HLA-DOA: variants seen among roughly 807,000 people sequenced by gnomAD.
HLA-DOA encodes major histocompatibility complex, class II, DO alpha.
HLA-DOA carries 27 observed loss-of-function variants against 22.9 expected under a neutral mutation model. The ratio of observed to expected loss-of-function variants is 1.18; its 90% CI spans 0.87 to 1.62. The LOEUF (loss-of-function observed/expected upper bound fraction) is 1.62, where lower values mean the gene tolerates loss of function less well. Among genes scored for constraint, HLA-DOA ranks in the 40% most tolerant of loss-of-function variants. HLA-DOA has a pLI of 0.00. For synonymous variants in HLA-DOA, 137 were observed against 138.6 expected (o/e 0.99, Z 0.08); for missense variants, 324 against 332.4 (o/e 0.97, Z 0.20).
rs1582982067 is a variant in HLA-DOA, at chr6:33,006,584, T to G, written c.*254A>C. ...GTGCAAACACCACCAAAGCATTTAG[T>G]GCTGCCAGCCAGAGCTTTGGGTAGA... On this transcript the variant is annotated 3_prime_UTR_variant, in exon 5 of 5. Transcript: ENST00000229829. 1.6e-6 allele frequency: 1 copy of G among 618,812 alleles called. No individual in the cohort carries two copies. Among genetic ancestry groups the G allele is most frequent in the East Asian group, 2.8e-5 (1 of 36,292 alleles). The allele number at this position is 618,812 out of a possible 1,614,324, so 38.3% of individuals were successfully genotyped here. A position where few individuals can be genotyped will look rare whatever the true frequency, so the allele number is the denominator to read the frequency against.
At chr6:33,006,866 C>T (rs139296381) in intron 4 of HLA-DOA, 25 bp from the exon 5 acceptor site, 4 of 1,591,774 alleles carry the variant, frequency 2.5e-6, no homozygotes, top group Middle Eastern at 1.7e-4. Flanking sequence ...AACATACGAT[C>T]GAGGTTGCTC....
At position 33,008,108 on chromosome 6, in the gene HLA-DOA, C is replaced by A. The variant is rs148303384; in HGVS notation, c.236G>T (p.Arg79Leu). The A allele has an allele frequency of 1.9e-6, 3 of 1,612,940 alleles. No homozygotes were observed. The highest frequency in any genetic ancestry group is 3.3e-5 in the Admixed American group (2 of 60,012). The change falls in exon 2 of 5, where the codon CGC (arginine) becomes CTC (leucine). Residue 79 changes from arginine to leucine, a missense_variant. Arg to Leu is a moderately radical substitution (Grantham distance 102). Transcript: ENST00000229829. ...WRLPEFGDFA[R>L]FDPQGGLAGI... ...GGCCAGCCCGCCCTGCGGGTCAAAG[C>A]GGGCAAAGTCACCAAACTCAGGCAG...
rs751704358 is a variant in HLA-DOA at position 33,007,374 on chromosome 6, C to T, written c.550G>A (p.Glu184Lys). 1.6e-5 allele frequency: 25 copies of T among 1,606,876 alleles called. No homozygotes were observed. The highest frequency in any genetic ancestry group is 3.3e-5 in the South Asian group (3 of 90,350). ...TCCACCTGGCAGTCATAGACGTCCT[C>T]GGCTGAGGGCACGAAGGGCAGGTAG... ...FHYLPFVPSA[E>K]DVYDCQVEHW... Residue 184 changes from glutamate (E) to lysine (K), a missense_variant, in exon 3 of 5, where the codon GAG (glutamate) becomes AAG (lysine). By Grantham distance (56) the Glu-to-Lys change is moderately conservative. Transcript: ENST00000229829.
At position 33,007,483 on chromosome 6, in the gene HLA-DOA, C is replaced by T. The variant is rs779247809; in HGVS notation, c.441G>A (p.Trp147Ter). ...NIFPPVINIT[W>*]LRNGQTVTEG... ...CAGTGACAGTTTGGCCGTTGCGCAGCCAGGTGATATTGATCACAGGGGGGA... is the reference window on the plus strand; with the variant it reads ...CAGTGACAGTTTGGCCGTTGCGCAGTCAGGTGATATTGATCACAGGGGGGA... Residue 147 changes from tryptophan (W) to a stop codon, truncating the protein, a stop_gained, in exon 3 of 5, where the codon TGG becomes TGA. Transcript: ENST00000229829. LOFTEE classifies it high-confidence loss of function. 3.7e-6 allele frequency: 6 copies of T among 1,612,566 alleles called. No individual in the cohort carries two copies. The highest frequency in any genetic ancestry group is 5.1e-6 in the Non-Finnish European group (6 of 1,179,848).
rs550573091 is a variant in HLA-DOA, at chr6:33,008,098, C to A, written c.246G>T (p.Pro82=). 5.0e-6 allele frequency: 8 copies of A among 1,612,898 alleles called. No homozygotes were observed. Among genetic ancestry groups the A allele is most frequent in the African/African-American group, 2.7e-5 (2 of 74,938 alleles). Reference sequence around the variant, plus strand: ...CGGCGATGCCGGCCAGCCCGCCCTGCGGGTCAAAGCGGGCAAAGTCACCAA... The same window carrying A: ...CGGCGATGCCGGCCAGCCCGCCCTGAGGGTCAAAGCGGGCAAAGTCACCAA... The part of the protein sequence containing the change: ...PEFGDFARFD[P]QGGLAGIAAI... The change falls in exon 2 of 5, where the codon CCG becomes CCT. Residue 82 remains proline (P), a synonymous_variant. Coordinates refer to ENST00000229829, the MANE Select transcript of HLA-DOA (RefSeq NM_002119.4).
rs767961845 is a variant in HLA-DOA, at chr6:33,006,805, G to A, written c.*33C>T. On this transcript the variant is annotated 3_prime_UTR_variant, in exon 5 of 5. Transcript: ENST00000229829. ...ACAAACCCATGAGGATCTGCAGGGT[G>A]TCTCCCACAAGTCATTTCTCTCAGA... 9.3e-5 allele frequency: 150 copies of A among 1,612,822 alleles called. No individual in the cohort carries two copies. Among genetic ancestry groups the A allele is most frequent in the Non-Finnish European group, 1.2e-4 (144 of 1,179,936 alleles).
At position 33,009,442 on chromosome 6, in the gene HLA-DOA, C is replaced by T. The variant is rs777064274; in HGVS notation, c.82+13G>A. 24 of 1,578,590 alleles carry T rather than the reference C, an allele frequency of 1.5e-5. No individual in the cohort carries two copies. The highest frequency in any genetic ancestry group is 2.2e-4 in the Middle Eastern group (1 of 4,626). On this transcript the variant is annotated intron_variant, in intron 1 of 4. Coordinates refer to ENST00000229829, the MANE Select transcript of HLA-DOA (RefSeq NM_002119.4). This position sits in a 1 kb window ranked among gnomAD's most constrained non-coding sequence, Gnocchi z 4.8. ...TCTGCTCCCCGCCGCACCCTCCTCG[C>T]CCTCGCACTCACCCTTGGTGGCCCC...
chr6:33,007,656 G>C, intron 2 of HLA-DOA, 64 bp from the exon 3 acceptor site: 1 of 1,531,526 alleles, frequency 6.5e-7, no homozygotes, highest in African/African-American at 1.4e-5. Context: ...CTAGGACTGG[G>C]ATTAAGGGAC....
rs145496886 is a variant in HLA-DOA, at chr6:33,007,576, G to A, written c.348C>T (p.Thr116=). 6.4e-5 allele frequency: 103 copies of A among 1,611,710 alleles called. No individual in the cohort carries two copies. The highest frequency in any genetic ancestry group is 6.3e-4 in the African/African-American group (47 of 75,046). Residue 116 remains threonine, a synonymous_variant, in exon 3 of 5, where the codon ACC becomes ACT. Transcript: ENST00000229829. ...GCTCCACCCGAGACTTGGGGAGCAC[G>A]GTCACCCGTGGAGGCACTAGGAGGA... The part of the protein sequence containing the change: ...SRAINVPPRV[T]VLPKSRVELG...
chr6:33,005,246 G>A lies in HLA-DOA; in HGVS notation c.*1592C>T, dbSNP rs1174670786. On this transcript the variant is annotated 3_prime_UTR_variant, in exon 5 of 5. Coordinates refer to ENST00000229829, the MANE Select transcript of HLA-DOA (RefSeq NM_002119.4). ...ACAGTGGCTAATGCCTGTAATTCCA[G>A]TACTTTGGGAGGGAAGGTGGGTGGA... The A allele has an allele frequency of 6.6e-6, 1 of 152,304 alleles. No individual in the cohort carries two copies. Among genetic ancestry groups the A allele is most frequent in the Non-Finnish European group, 1.5e-5 (1 of 68,106 alleles). 9.4% of individuals were successfully genotyped at this position (152,304 alleles called of 1,614,324 possible).
chr6:33,008,426 A>AGTC lies in HLA-DOA; in HGVS notation c.83-166_83-165insGAC, dbSNP rs200794492. ...GGCCCTGGGAGAGAGAAAGGGAGAG[A>AGTC]GAACAGGAAGAAAGAGGCTCATCCC... On this transcript the variant is annotated intron_variant, in intron 1 of 4. Transcript: ENST00000229829. 1,528 of 1,433,458 alleles carry AGTC rather than the reference A, an allele frequency of 1.1e-3. 18 individuals are homozygous for AGTC. The African/African-American group carries it at 0.02, about 19-fold the overall frequency. 88.8% of individuals were successfully genotyped at this position (1,433,458 alleles called of 1,614,324 possible).
At position 33,005,621 on chromosome 6, in the gene HLA-DOA, A is replaced by T; in HGVS notation, c.*1217T>A. 1 of 151,916 alleles carries T rather than the reference A, an allele frequency of 6.6e-6. No homozygotes were observed. The allele number at this position is 151,916 out of a possible 1,614,324, so 9.4% of individuals were successfully genotyped here. On this transcript the variant is annotated 3_prime_UTR_variant, in exon 5 of 5. Transcript: ENST00000229829. The stretch of plus-strand genomic sequence containing the variant: ...GAGACAGGGTCTCACTCTGTCACCT[A>T]GGCTGGAGTGCAGTGGCGCAATCTT...
In HLA-DOA at chr6:33,007,140, A is replaced by ACCAGGCCGATGG; in HGVS notation, c.677_688dup (p.Ala226_Leu229dup). ...GAGGACGGTGCCCACGAGGAAGCCCACCAGGCCGATGGCCAGGCCCAGGGC... is the reference window on the plus strand; with the variant it reads ...GAGGACGGTGCCCACGAGGAAGCCCACCAGGCCGATGGCCAGGCCGATGGCCAGGCCCAGGGC... On this transcript the variant is annotated inframe_insertion, in exon 4 of 5. Coordinates refer to ENST00000229829, the MANE Select transcript of HLA-DOA (RefSeq NM_002119.4). 1 of 1,613,874 alleles carries ACCAGGCCGATGG rather than the reference A, an allele frequency of 6.2e-7. No homozygotes were observed. Among genetic ancestry groups the ACCAGGCCGATGG allele is most frequent in the African/African-American group, 1.3e-5 (1 of 75,058 alleles).
In HLA-DOA at chr6:33,008,273, G is replaced by A. The variant is rs751314120; in HGVS notation, c.83-12C>T. ...GCCCATGTGGTCAGCTGTGTTTGGC[G>A]AGTTCAGGGTCAAGGAGAGAGAAAA... On this transcript the variant is annotated splice_polypyrimidine_tract_variant and intron_variant, in intron 1 of 4. Coordinates refer to ENST00000229829, the MANE Select transcript of HLA-DOA (RefSeq NM_002119.4). The A allele has an allele frequency of 1.3e-5, 21 of 1,611,776 alleles. No individual in the cohort carries two copies. The highest frequency in any genetic ancestry group is 2.7e-5 in the African/African-American group (2 of 74,916).
Position 33,006,435 on chromosome 6 carries a change from C to T in HLA-DOA, c.*403G>A. On this transcript the variant is annotated 3_prime_UTR_variant, in exon 5 of 5. Coordinates refer to ENST00000229829, the MANE Select transcript of HLA-DOA (RefSeq NM_002119.4). ...AAGTCCATGTGAAATGGCTCATTCA[C>T]AAAGTAACACACAATGGGCCAAATG... The T allele has an allele frequency of 3.1e-6, 1 of 326,944 alleles. No homozygotes were observed. The highest frequency in any genetic ancestry group is 5.1e-5 in the South Asian group (1 of 19,792). 20.3% of individuals were successfully genotyped at this position (326,944 alleles called of 1,614,324 possible).
intron 3 of HLA-DOA, 23 bp downstream of exon 3, chr6:33,007,288 T>C (rs1780852913): frequency 6.2e-7 from 1 of 1,612,842 alleles, no homozygotes; most frequent in African/African-American, 1.3e-5. Context: ...GCCAGGAGGG[T>C]GCATGGGGAG....
chr6:33,006,872 T>C (rs1347363139), intron 4 of HLA-DOA, 31 bp from the exon 5 acceptor site: 1 of 1,586,046 alleles, frequency 6.3e-7, no homozygotes, highest in East Asian at 2.2e-5. Context: ...CGATCGAGGT[T>C]GCTCAATTTC....
chr6:33,006,909 G>A (rs1780831505), intron 4 of HLA-DOA, 68 bp from the exon 5 acceptor site: 1 of 1,463,790 alleles, frequency 6.8e-7, no homozygotes, highest in Non-Finnish European at 9.6e-7. Context: ...ATCTCTGAGT[G>A]CCCACCTCCC....
Position 33,008,235 on chromosome 6 carries a change from C to T in HLA-DOA, c.109G>A (p.Ala37Thr), listed in dbSNP as rs748401096. Residue 37 changes from alanine to threonine, a missense_variant, in exon 2 of 5, where the codon GCC becomes ACC. Ala to Thr is a moderately conservative substitution (Grantham distance 58, BLOSUM62 0). Coordinates refer to ENST00000229829, the MANE Select transcript of HLA-DOA (RefSeq NM_002119.4). The stretch of plus-strand genomic sequence containing the variant: ...GAGGCGCCGTAAGACTGGTAGAAGG[C>T]GGGTCCGTAGGAGCCCATGTGGTCA... ...KADHMGSYGP[A>T]FYQSYGASGQ... The T allele has an allele frequency of 1.9e-6, 3 of 1,612,918 alleles. No homozygotes were observed. Among genetic ancestry groups the T allele is most frequent in the Non-Finnish European group, 8.5e-7 (1 of 1,180,014 alleles).
Sources: allele counts gnomAD v4.1 joint callset, GRCh38; gene constraint gnomAD v4.1.1; non-coding constraint Gnocchi (gnomAD v3.1); transcripts MANE v1.5; gene names NCBI Gene and HGNC (gene_info 2026-07-23, HGNC 2026-07-21).